GLIS1: variants seen among roughly 807,000 people sequenced by gnomAD.
GLIS1 encodes the protein GLIS family zinc finger 1.
Under a neutral mutation model 63.8 loss-of-function variants are expected in GLIS1, and 24 were observed. The ratio of observed to expected loss-of-function variants is 0.38; its 90% CI spans 0.27 to 0.53. The LOEUF is 0.53. Ranked by LOEUF, GLIS1 falls within the 20% of genes least tolerant of loss-of-function variation. The pLI is 0.85. For missense variants in GLIS1, 1,036 were observed against 1,074.1 expected (o/e 0.96, Z 0.50); for synonymous variants, 450 against 482.5 (o/e 0.93, Z 0.88).
At chr1:53,670,626 A>G (rs1451005317) in intron 2 of GLIS1, among the ~76,000 whole-genome samples, 1 of 152,220 alleles carries the variant, frequency 6.6e-6, no homozygotes, top group Non-Finnish European at 1.5e-5. Context: ...CTGTGATAGG[A>G]TTCAAATTGC....
intron 3 of GLIS1, among the ~76,000 whole-genome samples, chr1:53,597,149 C>T (rs1380972076): frequency 9.4e-6 from 1 of 106,906 alleles, no homozygotes; most frequent in African/African-American, 3.6e-5. Flanking sequence ...ATAAAAAGTG[C>T]TTGGCCTGGT....
intron 4 of GLIS1, among the ~76,000 whole-genome samples, chr1:53,563,654 C>G (rs1391219774): frequency 1.3e-5 from 2 of 152,084 alleles, no homozygotes; most frequent in Non-Finnish European, 2.9e-5. Context: ...AAAAAGAAGA[C>G]AGCATAGACA....
intron 2 of GLIS1, among the ~76,000 whole-genome samples, chr1:53,705,128 C>G (rs12097598): frequency 0.25 from 38,018 of 152,096 alleles, 5,090 homozygotes; most frequent in African/African-American, 0.35. Context: ...AGATCTGGCA[C>G]ATTCTAACTC....
At chr1:53,512,125 C>G (rs1644303807) in intron 8 of GLIS1, among the ~76,000 whole-genome samples, 1 of 152,214 alleles carries the variant, frequency 6.6e-6, no homozygotes, top group Admixed American at 6.5e-5. Context: ...TTCACATTTG[C>G]CACCTTCACA....
chr1:53,610,356 G>A (rs1198252014), intron 2 of GLIS1, among the ~76,000 whole-genome samples: 3 of 152,070 alleles, frequency 2.0e-5, no homozygotes, highest in East Asian at 1.9e-4. Flanking sequence ...AAGCCTACTG[G>A]CAAGGAATTA....
At chr1:53,575,398 G>A (rs1310513413) in intron 4 of GLIS1, among the ~76,000 whole-genome samples, 1 of 152,164 alleles carries the variant, frequency 6.6e-6, no homozygotes, top group Non-Finnish European at 1.5e-5. Context: ...ATCACTCCAT[G>A]CTCTGGGCCT....
chr1:53,734,304 T>C (rs1304841001), intron 2 of GLIS1: 2 of 602,758 alleles, frequency 3.3e-6, no homozygotes, highest in East Asian at 1.4e-4. Context: ...TGGTAAACTA[T>C]AAAGTTTTCT....
At chr1:53,554,729 G>A (rs1280210406) in intron 4 of GLIS1, among the ~76,000 whole-genome samples, 7 of 152,154 alleles carry the variant, frequency 4.6e-5, no homozygotes, top group African/African-American at 7.2e-5. Flanking sequence ...GACCTGGAAC[G>A]TGCCCATCAT....
intron 4 of GLIS1, among the ~76,000 whole-genome samples, chr1:53,589,290 T>C (rs1214462189): frequency 6.6e-6 from 1 of 152,282 alleles, no homozygotes; most frequent in East Asian, 1.9e-4. Context: ...AAACAACAGA[T>C]AGGGAATGGC....
At chr1:53,631,463 C>T (rs949760779) in intron 2 of GLIS1, among the ~76,000 whole-genome samples, 3 of 152,198 alleles carry the variant, frequency 2.0e-5, no homozygotes, top group Non-Finnish European at 2.9e-5. Context: ...TATGTACTTA[C>T]ACTCTACAAA....
intron 2 of GLIS1, among the ~76,000 whole-genome samples, chr1:53,685,333 C>A (rs924360258): frequency 6.6e-6 from 1 of 152,212 alleles, no homozygotes; most frequent in African/African-American, 2.4e-5. Flanking sequence ...GCCGCCCCGC[C>A]GCGGAGGACC....
At chr1:53,695,108 G>A (rs1245761525) in intron 2 of GLIS1, among the ~76,000 whole-genome samples, 1 of 151,518 alleles carries the variant, frequency 6.6e-6, no homozygotes, top group Non-Finnish European at 1.5e-5. Flanking sequence ...TGTGTGTAAC[G>A]AAGCCCTGCA....
At chr1:53,704,550 G>A (rs537363975) in intron 2 of GLIS1, among the ~76,000 whole-genome samples, 1 of 152,328 alleles carries the variant, frequency 6.6e-6, no homozygotes, top group Non-Finnish European at 1.5e-5. Flanking sequence ...TGAGGAAGTG[G>A]GAGGGAGGGG....
At chr1:53,620,573 C>A (rs946651968) in intron 2 of GLIS1, among the ~76,000 whole-genome samples, 1 of 152,230 alleles carries the variant, frequency 6.6e-6, no homozygotes, top group African/African-American at 2.4e-5. Context: ...CTCCACGCAC[C>A]GTAAACATTC....
intron 4 of GLIS1, among the ~76,000 whole-genome samples, chr1:53,536,562 G>A (rs1644583540): frequency 6.6e-6 from 1 of 152,046 alleles, no homozygotes. Flanking sequence ...CTGAGGCTCA[G>A]AAGGGTGATG....
At chr1:53,530,021 C>G (rs1644513463) in intron 4 of GLIS1, 69 bp from the exon 5 acceptor site, 1 of 1,481,394 alleles carries the variant, frequency 6.8e-7, no homozygotes, top group African/African-American at 1.4e-5. Flanking sequence ...GAAACTAACC[C>G]CCCAGGCCTG....
intron 7 of GLIS1, among the ~76,000 whole-genome samples, chr1:53,517,314 AG>A (rs1644362803): frequency 2.0e-5 from 3 of 152,242 alleles, no homozygotes; most frequent in South Asian, 4.1e-4. Context: ...CCCTGCCTCT[AG>A]GACTCTGCTC....
Position 53,506,545 on chromosome 1 carries a change from G to C in GLIS1, c.*74C>G. The C allele has an allele frequency of 6.7e-7, 1 of 1,495,300 alleles. No homozygotes were observed. Among genetic ancestry groups the C allele is most frequent in the South Asian group, 1.2e-5 (1 of 83,266 alleles). 92.6% of individuals were successfully genotyped at this position (1,495,300 alleles called of 1,614,324 possible). ...GCCTGGCACTCCTGCTAGGTGCACGGAGGGTGGGAGCGACAGCAGGTGGGC... is the reference window on the plus strand; with the variant it reads ...GCCTGGCACTCCTGCTAGGTGCACGCAGGGTGGGAGCGACAGCAGGTGGGC... On this transcript the variant is annotated 3_prime_UTR_variant, in exon 11 of 11. Transcript: ENST00000628545.
chr1:53,567,537 TAGCC>T (rs1435723403), intron 4 of GLIS1, among the ~76,000 whole-genome samples: 1 of 152,196 alleles, frequency 6.6e-6, no homozygotes, highest in Non-Finnish European at 1.5e-5. Flanking sequence ...CGAATGTTAA[TAGCC>T]AAGACAATGT....
Sources: allele counts gnomAD v4.1 joint callset (sites outside exome capture counted in the v4.1 genomes callset), GRCh38; gene constraint gnomAD v4.1.1; transcripts MANE v1.5; gene names NCBI Gene and HGNC (gene_info 2026-07-23, HGNC 2026-07-21).